Variants in CC2D2B observed in about 807,000 individuals in gnomAD.
CC2D2B encodes protein CC2D2B.
CC2D2B carries 128 observed loss-of-function variants against 161.2 expected under a neutral mutation model. That is an observed-to-expected ratio of 0.79 (90% CI 0.69 to 0.92). The LOEUF is 0.92. Among genes scored for constraint, CC2D2B ranks in the 40% least tolerant of loss-of-function variants. The pLI is 0.00. For missense variants in CC2D2B, 1,173 were observed against 1,375.1 expected, an observed-to-expected ratio of 0.85 and a Z score of 2.32; for synonymous variants, 391 against 449.8, an observed-to-expected ratio of 0.87 and a Z score of 1.65.
At chr10:95,954,755 T>C (rs1285185732) in intron 10 of CC2D2B, among the ~76,000 whole-genome samples, 1 of 152,136 alleles carries the variant, frequency 6.6e-6, no homozygotes, top group Non-Finnish European at 1.5e-5. Flanking sequence ...TATGTTTAGG[T>C]CTTCTTGTAT....
intron 24 of CC2D2B, among the ~76,000 whole-genome samples, chr10:95,998,293 G>A (rs2078311186): frequency 6.6e-6 from 1 of 151,996 alleles, no homozygotes; most frequent in Non-Finnish European, 1.5e-5. Context: ...CATATTTAAC[G>A]TTAGGGTTTA....
intron 22 of CC2D2B, chr10:95,992,958 T>C (rs1254805423): frequency 7.8e-6 from 2 of 257,798 alleles, no homozygotes; most frequent in Non-Finnish European, 1.5e-5. Flanking sequence ...CTTCTCATAC[T>C]GTATCAAGTA....
intron 19 of CC2D2B, among the ~76,000 whole-genome samples, chr10:95,984,173 G>A (rs538894930): frequency 6.6e-6 from 1 of 152,232 alleles, no homozygotes; most frequent in African/African-American, 2.4e-5. Flanking sequence ...TTAATTATAA[G>A]GCCCATCTCA....
rs969921093 is a variant in CC2D2B at position 96,000,473 on chromosome 10, C to T, written c.2850-3679C>T. On this transcript the variant is annotated intron_variant, in intron 24 of 34. Coordinates refer to ENST00000646931, the MANE Select transcript of CC2D2B (RefSeq NM_001349008.3). ...CTGCCTCCCAGGTTCGAACCATTCT[C>T]CTGCCTCAGCCTCCCGAGTAGCTGG... is the stretch of plus-strand genomic sequence containing the variant. Among the ~76,000 whole-genome samples, 79 of 152,084 alleles carry T rather than the reference C, an allele frequency of 5.2e-4. 1 individual carries two copies. Among genetic ancestry groups the T allele is most frequent in the Admixed American group, 6.5e-5 (1 of 15,274 alleles).
chr10:96,017,437 C>T (rs548356672), intron 30 of CC2D2B, among the ~76,000 whole-genome samples: 1 of 152,222 alleles, frequency 6.6e-6, no homozygotes, highest in Admixed American at 6.5e-5. Context: ...CAACTATTAG[C>T]GTTAGTACCT....
At chr10:96,003,021 A>ATATATATATATATATATATATATAT (rs2078571748) in intron 24 of CC2D2B, among the ~76,000 whole-genome samples, 1 of 140,706 alleles carries the variant, frequency 7.1e-6, no homozygotes, top group African/African-American at 2.6e-5. Flanking sequence ...AAAATAAATA[A>ATATATATATATATATATATATATAT]ATATATATAT....
rs992123299 is a variant in CC2D2B, at chr10:95,938,794, T to C, written c.673-3T>C. On this transcript the variant is annotated splice_polypyrimidine_tract_variant and splice_region_variant and intron_variant, in intron 8 of 34. Transcript: ENST00000646931. ...AATTACTATACTTAAATATTTTTGATAGGGAAAATGTTGGTTTGGAGAAAG... is the reference window on the plus strand; with the variant it reads ...AATTACTATACTTAAATATTTTTGACAGGGAAAATGTTGGTTTGGAGAAAG... 8 of 705,156 alleles carry C rather than the reference T, an allele frequency of 1.1e-5. No individual in the cohort carries two copies. The Admixed American group carries it at 1.7e-4, about 15-fold the overall frequency. 43.7% of individuals were successfully genotyped at this position (705,156 alleles called of 1,614,324 possible). A position where few individuals can be genotyped will look rare whatever the true frequency, so the allele number is the denominator to read the frequency against.
rs949318594 is a variant in CC2D2B at position 95,942,292 on chromosome 10, G to T, written c.801+3367G>T. Among the ~76,000 whole-genome samples the T allele has an allele frequency of 6.6e-5, 10 of 152,104 alleles. No homozygotes were observed. In the South Asian group the frequency reaches 1.9e-3, roughly 28 times the overall value. On this transcript the variant is annotated intron_variant, in intron 9 of 34. Coordinates refer to ENST00000646931, the MANE Select transcript of CC2D2B (RefSeq NM_001349008.3). ...AATAGTACTGTAAACTTAAACGAGG[G>T]TAGATCTCATGTTTTGTATTTTTTA...
intron 34 of CC2D2B, among the ~76,000 whole-genome samples, chr10:96,030,948 T>G (rs2080039815): frequency 6.6e-6 from 1 of 152,220 alleles, no homozygotes; most frequent in Non-Finnish European, 1.5e-5. Context: ...AGTGACCGAA[T>G]CTCTCTATAC....
At position 95,949,923 on chromosome 10, in the gene CC2D2B, T is replaced by C. The variant is rs940438339; in HGVS notation, c.829T>C (p.Phe277Leu). ...KAVKYDLGSS[F>L]MNKMEGSREI... ...AGTAAAATATGACCTGGGAAGTTCA[T>C]TTATGAACAAAATGGAAGGTTCAAG... The change falls in exon 10 of 35, where the codon TTT becomes CTT. Residue 277 changes from phenylalanine to leucine, a missense_variant. Physicochemically the swap from Phe to Leu is conservative, Grantham distance 22. Around this residue, in one of 3 missense-constraint regions of CC2D2B, gnomAD observed 298 missense variants for 261.2 expected, o/e 1.14. Transcript: ENST00000646931. 7.5e-6 allele frequency: 3 copies of C among 398,668 alleles called. No individual in the cohort carries two copies. Among genetic ancestry groups the C allele is most frequent in the African/African-American group, 4.1e-5 (2 of 48,622 alleles). The allele number at this position is 398,668 out of a possible 1,614,324, so 24.7% of individuals were successfully genotyped here. A position where few individuals can be genotyped will look rare whatever the true frequency, so the allele number is the denominator to read the frequency against.
rs773500261 is a variant in CC2D2B, at chr10:95,922,037, A to T, written c.58A>T (p.Ile20Phe). ...FKKMSEEMDN[I>F]TAEEIIDKHL... is the part of the protein sequence containing the mutation. The stretch of plus-strand genomic sequence containing the variant: ...GCAGATGTCAGAAGAGATGGATAAT[A>T]TTACAGCTGAAGAAATTATAGACAA... The change falls in exon 3 of 35, where the codon ATT (isoleucine) becomes TTT (phenylalanine). Residue 20 changes from isoleucine to phenylalanine, a missense_variant. Around this residue, in one of 3 missense-constraint regions of CC2D2B, gnomAD observed 298 missense variants for 261.2 expected, o/e 1.14. Transcript: ENST00000646931. 6 of 1,544,140 alleles carry T rather than the reference A, an allele frequency of 3.9e-6. No homozygotes were observed. The highest frequency in any genetic ancestry group is 5.3e-6 in the Non-Finnish European group (6 of 1,141,868).
At chr10:96,029,867 G>A (rs2079993663) in intron 34 of CC2D2B, among the ~76,000 whole-genome samples, 2 of 151,008 alleles carry the variant, frequency 1.3e-5, no homozygotes, top group East Asian at 1.9e-4. Flanking sequence ...CTGGAGTATA[G>A]TGGTGTGATC....
chr10:95,928,153 A>G (rs2098542910), intron 6 of CC2D2B, among the ~76,000 whole-genome samples: 1 of 151,730 alleles, frequency 6.6e-6, no homozygotes, highest in African/African-American at 2.4e-5. Context: ...TCCACCTCCC[A>G]GTCTCTTCCA....
chr10:95,979,381 T>C (rs2077431592), intron 17 of CC2D2B, among the ~76,000 whole-genome samples: 1 of 152,210 alleles, frequency 6.6e-6, no homozygotes. Context: ...GTTCAGTTCC[T>C]CATTATGGGG....
rs1564651650 is a variant in CC2D2B, at chr10:95,995,285, A to T, written c.2659A>T (p.Thr887Ser). The stretch of plus-strand genomic sequence containing the variant: ...TTCCTGAAGATCCTTGGATATGCCT[A>T]CTTGTTTGAAATCATCTATATCTTG... The part of the protein sequence containing the change: ...TTINGSLDMP[T>S]CLKSSISCLR... The change falls in exon 23 of 35, where the codon ACT (threonine) becomes TCT (serine). Residue 887 changes from threonine (T) to serine (S), a missense_variant. This residue lies in a region of CC2D2B where 598 missense variants were observed against 693.2 expected (regional missense o/e 0.86). Coordinates refer to ENST00000646931, the MANE Select transcript of CC2D2B (RefSeq NM_001349008.3). 3.3e-6 allele frequency: 5 copies of T among 1,525,498 alleles called. No individual in the cohort carries two copies. The highest frequency in any genetic ancestry group is 4.4e-6 in the Non-Finnish European group (5 of 1,141,182). 94.5% of individuals were successfully genotyped at this position (1,525,498 alleles called of 1,614,324 possible). A position where few individuals can be genotyped will look rare whatever the true frequency, so the allele number is the denominator to read the frequency against.
chr10:95,962,867 C>CT (rs1037581386), intron 12 of CC2D2B, among the ~76,000 whole-genome samples: 1 of 147,134 alleles, frequency 6.8e-6, no homozygotes, highest in African/African-American at 2.5e-5. Flanking sequence ...AATGTAATGA[C>CT]TTGCTTCTAA....
intron 24 of CC2D2B, among the ~76,000 whole-genome samples, chr10:95,997,047 G>A (rs2078258188): frequency 6.6e-6 from 1 of 152,172 alleles, no homozygotes; most frequent in South Asian, 2.1e-4. Flanking sequence ...GACACCAGAT[G>A]CTGACATCTT....
chr10:95,976,915 A>C (rs2077336970), intron 17 of CC2D2B, among the ~76,000 whole-genome samples: 1 of 152,150 alleles, frequency 6.6e-6, no homozygotes, highest in African/African-American at 2.4e-5. Context: ...AGCTCAGCTA[A>C]TTTTTGGTAT....
intron 15 of CC2D2B, among the ~76,000 whole-genome samples, 200 bp from the exon 16 acceptor site, chr10:95,971,866 C>A (rs1029347907): frequency 1.3e-5 from 2 of 152,088 alleles, no homozygotes; most frequent in Non-Finnish European, 2.9e-5. Flanking sequence ...AATTCATTTT[C>A]TATGGAGCCA....
Sources: gnomAD v4.1 joint callset for allele counts (sites outside exome capture counted in the v4.1 genomes callset) on GRCh38, gnomAD v4.1.1 for gene constraint, gnomAD v4.1.1 regional missense constraint, MANE v1.5 for transcripts, NCBI Gene and HGNC (gene_info 2026-07-23, HGNC 2026-07-21) for gene names.